The following EDIL3 variants were observed in gnomAD, a reference collection of about 807,000 sequenced individuals.
The protein encoded by EDIL3 is EGF like and discoidin domains 3.
EDIL3 carries 37 observed loss-of-function variants against 67.4 expected under a neutral mutation model. The ratio of observed to expected loss-of-function variants is 0.55; its 90% CI spans 0.42 to 0.72. The LOEUF is 0.72. Among genes scored for constraint, EDIL3 ranks in the 30% least tolerant of loss-of-function variants. EDIL3 has a pLI of 0.00. For missense variants in EDIL3, 527 were observed against 586.3 expected, an observed-to-expected ratio of 0.90 and a Z score of 1.04; for synonymous variants, 195 against 196.3, an observed-to-expected ratio of 0.99 and a Z score of 0.05.
At chr5:84,277,076 A>C (rs970549402) in intron 1 of EDIL3, among the ~76,000 whole-genome samples, 2 of 152,208 alleles carry the variant, frequency 1.3e-5, no homozygotes, top group African/African-American at 4.8e-5. Flanking sequence ...TATTACATAA[A>C]GTAAACCATT....
At chr5:84,049,248 A>G (rs966998980) in intron 9 of EDIL3, among the ~76,000 whole-genome samples, 2 of 152,174 alleles carry the variant, frequency 1.3e-5, no homozygotes, top group African/African-American at 4.8e-5. Context: ...GTATTATTTT[A>G]CATTTCATTA....
At chr5:84,209,047 A>G (rs1744055072) in intron 3 of EDIL3, among the ~76,000 whole-genome samples, 1 of 152,184 alleles carries the variant, frequency 6.6e-6, no homozygotes, top group Non-Finnish European at 1.5e-5. Context: ...ATGCAGCCAT[A>G]AAAAATGATG....
intron 10 of EDIL3, among the ~76,000 whole-genome samples, chr5:83,944,905 A>ATC (rs1561381359): frequency 2.6e-5 from 4 of 151,992 alleles, no homozygotes; most frequent in African/African-American, 9.7e-5. Context: ...ACCAAACTCC[A>ATC]TCATCACATG....
intron 1 of EDIL3, among the ~76,000 whole-genome samples, chr5:84,356,213 C>A (rs866052235): frequency 6.6e-6 from 1 of 152,150 alleles, no homozygotes; most frequent in African/African-American, 2.4e-5. Context: ...AGTTCACCAC[C>A]ACTATTATGT....
At chr5:83,981,236 A>G (rs896811435) in intron 9 of EDIL3, among the ~76,000 whole-genome samples, 2 of 152,096 alleles carry the variant, frequency 1.3e-5, no homozygotes, top group Admixed American at 1.3e-4. Context: ...TTAATTTCAA[A>G]ACTCACTAGG....
intron 3 of EDIL3, among the ~76,000 whole-genome samples, chr5:84,217,672 C>A (rs1185204132): frequency 6.7e-6 from 1 of 149,848 alleles, no homozygotes; most frequent in Non-Finnish European, 1.5e-5. Context: ...ATCACATAAG[C>A]CAATTCCTCA....
intron 6 of EDIL3, 29 bp from the exon 7 acceptor site, chr5:84,066,635 T>C (rs555766064): frequency 3.1e-6 from 5 of 1,599,194 alleles, no homozygotes; most frequent in Admixed American, 3.6e-5. Flanking sequence ...CCAACAATAA[T>C]CTTATTGTTT....
At chr5:84,067,267 T>C (rs74922203) in intron 6 of EDIL3, among the ~76,000 whole-genome samples, 147 of 152,240 alleles carry the variant, frequency 9.7e-4, no homozygotes, top group Non-Finnish European at 1.5e-3. Flanking sequence ...CCATTCCAAA[T>C]CCCTTTACAA....
At chr5:84,203,852 A>G (rs774780797) in intron 3 of EDIL3, among the ~76,000 whole-genome samples, 9 of 152,204 alleles carry the variant, frequency 5.9e-5, no homozygotes, top group Non-Finnish European at 1.3e-4. Flanking sequence ...CTATATCCGA[A>G]GAGGGTAAGG....
At chr5:83,978,462 T>G (rs1401092640) in intron 9 of EDIL3, among the ~76,000 whole-genome samples, 4 of 152,012 alleles carry the variant, frequency 2.6e-5, no homozygotes, top group African/African-American at 9.6e-5. Flanking sequence ...CAAAATTCCT[T>G]CAGAATTTTG....
chr5:84,100,378 G>A (rs1307576167), intron 6 of EDIL3, among the ~76,000 whole-genome samples: 1 of 152,116 alleles, frequency 6.6e-6, no homozygotes, highest in Non-Finnish European at 1.5e-5. Context: ...TATACACCAT[G>A]GAATACTATG....
chr5:84,100,648 C>A (rs1161580235), intron 6 of EDIL3, among the ~76,000 whole-genome samples: 1 of 152,062 alleles, frequency 6.6e-6, no homozygotes, highest in Non-Finnish European at 1.5e-5. Flanking sequence ...GTGTAGCAAA[C>A]CACCATGGCA....
At chr5:84,378,438 T>C (rs1409411413) in intron 1 of EDIL3, among the ~76,000 whole-genome samples, 1 of 152,190 alleles carries the variant, frequency 6.6e-6, no homozygotes, top group Non-Finnish European at 1.5e-5. Context: ...TCACTGCTTT[T>C]ACATATACTA....
Position 84,256,684 on chromosome 5 carries a change from G to T in EDIL3, c.68-2472C>A, listed in dbSNP as rs969264223. On this transcript the variant is annotated intron_variant, in intron 1 of 10. Transcript: ENST00000296591. The stretch of plus-strand genomic sequence containing the variant: ...CTTCAAGCACTGGAAAATTATAAAA[G>T]AACTTGAAATATGGGAAAGTGTATC... 2.0e-5 allele frequency among the ~76,000 whole-genome samples: 3 copies of T among 152,204 alleles called. No homozygotes were observed. In the East Asian group the frequency reaches 5.8e-4, roughly 29 times the overall value.
chr5:84,369,706 T>G (rs1031928503), intron 1 of EDIL3, among the ~76,000 whole-genome samples: 1 of 152,156 alleles, frequency 6.6e-6, no homozygotes, highest in African/African-American at 2.4e-5. Context: ...GTATTTAATA[T>G]CACTAAACTG....
intron 10 of EDIL3, among the ~76,000 whole-genome samples, chr5:83,954,665 T>C (rs1309914755): frequency 6.6e-6 from 1 of 151,696 alleles, no homozygotes; most frequent in Non-Finnish European, 1.5e-5. Flanking sequence ...AATTACCCAG[T>C]CTTAGGCATT....
chr5:84,361,270 A>AACACACACACACAC (rs10553087), intron 1 of EDIL3, among the ~76,000 whole-genome samples: 29 of 147,500 alleles, frequency 2.0e-4, no homozygotes, highest in African/African-American at 6.7e-4. Flanking sequence ...AGGTCATTAC[A>AACACACACACACAC]ACACACACAC....
chr5:84,054,790 C>A (rs1458137914), intron 9 of EDIL3, among the ~76,000 whole-genome samples: 2 of 151,154 alleles, frequency 1.3e-5, no homozygotes, highest in East Asian at 3.9e-4. Flanking sequence ...CTACAAACCA[C>A]TGCTCAATGA....
rs1487311143 is a variant in EDIL3 at position 84,153,758 on chromosome 5, C to T, written c.356-16404G>A. ...GATTACAGGAGTGAGCCACCGCACCCGGCCTTGTTATTATTTTTAACATCA... is the reference window on the plus strand; with the variant it reads ...GATTACAGGAGTGAGCCACCGCACCTGGCCTTGTTATTATTTTTAACATCA... On this transcript the variant is annotated intron_variant, in intron 4 of 10. Transcript: ENST00000296591. 2.6e-5 allele frequency among the ~76,000 whole-genome samples: 4 copies of T among 152,170 alleles called. No homozygotes were observed. In the South Asian group the frequency reaches 6.2e-4, roughly 24 times the overall value.
Sources: gnomAD v4.1 joint callset for allele counts (sites outside exome capture counted in the v4.1 genomes callset) on GRCh38, gnomAD v4.1.1 for gene constraint, MANE v1.5 for transcripts, NCBI Gene and HGNC (gene_info 2026-07-23, HGNC 2026-07-21) for gene names.